PARD3: variants seen among roughly 807,000 people sequenced by gnomAD.
PARD3 encodes the protein partitioning defective 3 homolog.
A neutral mutation model predicts 155.4 loss-of-function variants in PARD3; 75 were observed. That is an observed-to-expected ratio of 0.48 (90% CI 0.40 to 0.58). The LOEUF (loss-of-function observed/expected upper bound fraction) is 0.58, where lower values mean the gene tolerates loss of function less well. Ranked by LOEUF, PARD3 falls within the 20% of genes least tolerant of loss-of-function variation. PARD3 has a pLI of 0.00. For missense variants in PARD3, 1,642 were observed against 1,721.7 expected (o/e 0.95, Z 0.82); for synonymous variants, 576 against 610.5 (o/e 0.94, Z 0.83).
chr10:34,765,686 A>G (rs1007145826), intron 1 of PARD3, among the ~76,000 whole-genome samples: 1 of 149,430 alleles, frequency 6.7e-6, no homozygotes, highest in Non-Finnish European at 1.5e-5. Context: ...AAAAAAAAAG[A>G]TTTGGGCTTC....
chr10:34,719,074 A>T (rs976829853), intron 1 of PARD3, among the ~76,000 whole-genome samples: 1 of 152,208 alleles, frequency 6.6e-6, no homozygotes, highest in Non-Finnish European at 1.5e-5. Context: ...GTCCTTATTC[A>T]TCCTTTCTCC....
rs1043744894 is a variant in PARD3 at position 34,283,955 on chromosome 10, GT to G, written c.3176+179del. ...CTTTGATGTCACAAATACATATAAG[GT>G]TTTTTTTTTTAAATCTCTCTTTACA... On this transcript the variant is annotated intron_variant, in intron 21 of 24. Transcript: ENST00000374788. 8.8e-3 allele frequency among the ~76,000 whole-genome samples: 1,249 copies of G among 141,520 alleles called. 12 individuals are homozygous for G. Among genetic ancestry groups the G allele is most frequent in the African/African-American group, 0.03 (1,157 of 38,724 alleles). The allele number at this position is 141,520 out of a possible 152,430, so 92.8% of individuals were successfully genotyped here. A position where few individuals can be genotyped will look rare whatever the true frequency, so the allele number is the denominator to read the frequency against.
intron 2 of PARD3, among the ~76,000 whole-genome samples, chr10:34,540,014 A>G (rs995814264): frequency 6.6e-6 from 1 of 152,190 alleles, no homozygotes; most frequent in African/African-American, 2.4e-5. Context: ...CTAGAAAACC[A>G]CACCAAGTGT....
At chr10:34,719,042 C>T (rs1216248307) in intron 1 of PARD3, among the ~76,000 whole-genome samples, 1 of 152,218 alleles carries the variant, frequency 6.6e-6, no homozygotes, top group Non-Finnish European at 1.5e-5. Flanking sequence ...AAACAATACA[C>T]TCCATCACAA....
At chr10:34,734,629 A>G (rs1487872216) in intron 1 of PARD3, among the ~76,000 whole-genome samples, 4 of 152,172 alleles carry the variant, frequency 2.6e-5, no homozygotes, top group Non-Finnish European at 5.9e-5. Context: ...GAGAAAACAA[A>G]AAACTTCACA....
chr10:34,581,670 C>T (rs1472056037), intron 2 of PARD3, among the ~76,000 whole-genome samples: 2 of 152,182 alleles, frequency 1.3e-5, no homozygotes, highest in Non-Finnish European at 2.9e-5. Flanking sequence ...AGAGACACAT[C>T]CATTTGCCTG....
chr10:34,771,328 C>T (rs990093065), intron 1 of PARD3, among the ~76,000 whole-genome samples: 1 of 152,158 alleles, frequency 6.6e-6, no homozygotes, highest in Non-Finnish European at 1.5e-5. Context: ...CTCAGCCTCC[C>T]CTCTTCATCT....
intron 1 of PARD3, among the ~76,000 whole-genome samples, chr10:34,713,143 T>C (rs1316890345): frequency 1.3e-5 from 2 of 151,876 alleles, no homozygotes; most frequent in African/African-American, 2.4e-5. Flanking sequence ...ACCTAAGAGG[T>C]GGAGGTTGTG....
intron 2 of PARD3, among the ~76,000 whole-genome samples, chr10:34,597,823 T>G (rs948601699): frequency 6.6e-6 from 1 of 152,140 alleles, no homozygotes. Flanking sequence ...CATCACTGTC[T>G]CCAGAAGCAG....
intron 3 of PARD3, among the ~76,000 whole-genome samples, chr10:34,509,607 A>T (rs1315056010): frequency 6.6e-6 from 1 of 152,246 alleles, no homozygotes; most frequent in Admixed American, 6.5e-5. Context: ...TAAAATGGAA[A>T]AAGTACAATA....
At chr10:34,178,727 C>G (rs1335609990) in intron 22 of PARD3, among the ~76,000 whole-genome samples, 1 of 152,108 alleles carries the variant, frequency 6.6e-6, no homozygotes, top group Non-Finnish European at 1.5e-5. Flanking sequence ...AGAAAGAAAG[C>G]TCTGTGGTAG....
At chr10:34,641,560 C>T (rs72781608) in intron 2 of PARD3, among the ~76,000 whole-genome samples, 1,921 of 152,268 alleles carry the variant, frequency 0.013, 30 homozygotes, top group Admixed American at 0.041. Flanking sequence ...GAAGCCTTGG[C>T]GTGTAAGAAA....
intron 2 of PARD3, among the ~76,000 whole-genome samples, chr10:34,656,962 T>G (rs546558491): frequency 3.9e-5 from 6 of 152,324 alleles, no homozygotes; most frequent in Admixed American, 1.3e-4. Flanking sequence ...TAATAAACAT[T>G]CAACACTGTG....
At chr10:34,766,295 G>T (rs993034195) in intron 1 of PARD3, among the ~76,000 whole-genome samples, 1 of 152,136 alleles carries the variant, frequency 6.6e-6, no homozygotes, top group Admixed American at 6.5e-5. Flanking sequence ...ACACTAGCAG[G>T]TCAGAAGTGG....
At chr10:34,752,994 T>A (rs1836256149) in intron 1 of PARD3, among the ~76,000 whole-genome samples, 1 of 152,224 alleles carries the variant, frequency 6.6e-6, no homozygotes. Context: ...GCTCCATTCA[T>A]GAGATGTTTT....
intron 2 of PARD3, among the ~76,000 whole-genome samples, chr10:34,617,607 AAAT>A (rs1356070900): frequency 6.6e-6 from 1 of 152,258 alleles, no homozygotes; most frequent in African/African-American, 2.4e-5. Context: ...TTTTTGTCAA[AAAT>A]AATAAAATAA....
chr10:34,606,052 A>G (rs1437633797), intron 2 of PARD3, among the ~76,000 whole-genome samples: 1 of 142,672 alleles, frequency 7.0e-6, no homozygotes, highest in East Asian at 2.0e-4. Context: ...TCTTCTATAT[A>G]TATATATGAG....
chr10:34,649,531 A>C (rs1008094680), intron 2 of PARD3, among the ~76,000 whole-genome samples: 1 of 152,244 alleles, frequency 6.6e-6, no homozygotes, highest in Non-Finnish European at 1.5e-5. Flanking sequence ...TATGGTATAA[A>C]GGGTGAATGA....
rs538939375 is a variant in PARD3 at position 34,398,615 on chromosome 10, G to C, written c.890+715C>G. ...GGAAAGGATGCGGTGCACCTCACTT[G>C]TCTGTGACAGAGGTCTGCCAAGCCT... On this transcript the variant is annotated intron_variant, in intron 7 of 24. Transcript: ENST00000374788. Among the ~76,000 whole-genome samples, 112 of 152,296 alleles carry C rather than the reference G, an allele frequency of 7.4e-4. 1 individual carries two copies. The highest frequency in any genetic ancestry group is 2.5e-3 in the African/African-American group (104 of 41,572).
Sources: allele counts gnomAD v4.1 joint callset (sites outside exome capture counted in the v4.1 genomes callset), GRCh38; gene constraint gnomAD v4.1.1; transcripts MANE v1.5; gene names NCBI Gene and HGNC (gene_info 2026-07-23, HGNC 2026-07-21).